Variants in FBXO3 observed in about 807,000 individuals in gnomAD.
The protein encoded by FBXO3 is F-box protein 3.
FBXO3 carries 17 observed loss-of-function variants against 64.8 expected under a neutral mutation model. The ratio of observed to expected loss-of-function variants is 0.26; its 90% CI spans 0.18 to 0.39. The LOEUF is 0.39. Among genes scored for constraint, FBXO3 ranks in the 10% least tolerant of loss-of-function variants. The pLI, the probability that FBXO3 is intolerant of heterozygous loss-of-function variation, is 1.00. For missense variants in FBXO3, 420 were observed against 589.9 expected (o/e 0.71, Z 2.98); for synonymous variants, 182 against 201.6 (o/e 0.90, Z 0.82).
chr11:33,744,458 CA>C (rs2133590738), intron 10 of FBXO3: 1 of 152,178 alleles, frequency 6.6e-6, no homozygotes, highest in African/African-American at 2.4e-5. Flanking sequence ...ATGCATATCC[CA>C]AGAGGCATTC....
Position 33,774,452 on chromosome 11 carries a change from G to A in FBXO3, c.46C>T (p.Leu16=), listed in dbSNP as rs1855590432. 6.2e-7 allele frequency: 1 copy of A among 1,601,140 alleles called. No individual in the cohort carries two copies. Among genetic ancestry groups the A allele is most frequent in the South Asian group, 1.1e-5 (1 of 89,960 alleles). The change falls in exon 1 of 11, where the codon CTG becomes TTG. Residue 16 remains leucine (L), a synonymous_variant. Transcript: ENST00000265651. ...TETAPLTLES[L]PTDPLLLILS... is the part of the protein sequence containing the mutation. ...ATGAGGAGCAGGGGATCGGTGGGCAGCGACTCTAGGGTCAGCGGCGCCGTC... is the reference window on the plus strand; with the variant it reads ...ATGAGGAGCAGGGGATCGGTGGGCAACGACTCTAGGGTCAGCGGCGCCGTC...
intron 3 of FBXO3, among the ~76,000 whole-genome samples, chr11:33,765,948 A>G (rs1225005663): frequency 6.6e-6 from 1 of 152,172 alleles, no homozygotes; most frequent in African/African-American, 2.4e-5. Flanking sequence ...TCGTGAACCA[A>G]TTAAACCTCT....
intron 2 of FBXO3, among the ~76,000 whole-genome samples, chr11:33,769,425 T>G (rs912709183): frequency 2.4e-4 from 36 of 152,200 alleles, no homozygotes; most frequent in African/African-American, 7.7e-4. Context: ...ACTGAATTAG[T>G]TGAGAATCAT....
chr11:33,744,041 T>C (rs1170976686), intron 10 of FBXO3: 1 of 152,156 alleles, frequency 6.6e-6, no homozygotes, highest in Non-Finnish European at 1.5e-5. Flanking sequence ...GGATTTATTA[T>C]AACACTAACA....
intron 6 of FBXO3, among the ~76,000 whole-genome samples, chr11:33,752,591 A>G (rs538525032): frequency 3.9e-5 from 6 of 152,340 alleles, no homozygotes; most frequent in Admixed American, 3.3e-4. Flanking sequence ...AACTGAGAGA[A>G]GGCAAACTAT....
rs370729049 is a variant in FBXO3, at chr11:33,770,731, G to C, written c.194+10C>G. 2 of 1,603,656 alleles carry C rather than the reference G, an allele frequency of 1.2e-6. No individual in the cohort carries two copies. Among genetic ancestry groups the C allele is most frequent in the South Asian group, 2.2e-5 (2 of 90,110 alleles). The stretch of plus-strand genomic sequence containing the variant: ...CAGTTTTCAGAAGTACATATTCCTC[G>C]AATACTCACTCAGATATCAGCCAGT... On this transcript the variant is annotated intron_variant, in intron 2 of 10. Transcript: ENST00000265651.
chr11:33,770,745 A>G lies in FBXO3; in HGVS notation c.190T>C (p.Ser64Pro), dbSNP rs1855492377. ...ACATATTCCTCGAATACTCACTCAGATATCAGCCAGTATTTTTTGCAATGT... is the reference window on the plus strand; with the variant it reads ...ACATATTCCTCGAATACTCACTCAGGTATCAGCCAGTATTTTTTGCAATGT... ...RRHCKKYWLI[S>P]EEEKTQKNQC... The change falls in exon 2 of 11, where the codon TCT becomes CCT. Residue 64 changes from serine (S) to proline (P), a missense_variant. Transcript: ENST00000265651. 2.5e-6 allele frequency: 4 copies of G among 1,610,294 alleles called. No homozygotes were observed. Among genetic ancestry groups the G allele is most frequent in the Middle Eastern group, 1.7e-4 (1 of 6,050 alleles).
At chr11:33,774,039 T>G in intron 1 of FBXO3, 1 of 278,604 alleles carries the variant, frequency 3.6e-6, no homozygotes, top group South Asian at 3.1e-5. Context: ...CAGCAGGGAC[T>G]GACCCCAACC....
intron 6 of FBXO3, chr11:33,753,678 G>C (rs1014159447): frequency 6.6e-6 from 1 of 152,238 alleles, no homozygotes; most frequent in African/African-American, 2.4e-5. Flanking sequence ...ATGTGCCATA[G>C]TATGGAACAA....
At chr11:33,754,926 C>G (rs1389829656) in intron 5 of FBXO3, among the ~76,000 whole-genome samples, 1 of 149,242 alleles carries the variant, frequency 6.7e-6, no homozygotes, top group Non-Finnish European at 1.5e-5. Context: ...AGTGCAGTGG[C>G]TCGATCTCAG....
intron 3 of FBXO3, among the ~76,000 whole-genome samples, chr11:33,764,888 C>T (rs1359661132): frequency 6.6e-6 from 1 of 152,186 alleles, no homozygotes. Flanking sequence ...GCAGGAGAAT[C>T]GCTTGAACCT....
chr11:33,747,573 G>A (rs565172702), intron 9 of FBXO3, among the ~76,000 whole-genome samples: 13 of 150,686 alleles, frequency 8.6e-5, no homozygotes, highest in Middle Eastern at 3.4e-3. Flanking sequence ...GTGCAGTGGC[G>A]TGATCTCAGC....
intron 3 of FBXO3, among the ~76,000 whole-genome samples, chr11:33,764,059 G>T (rs1202320004): frequency 6.6e-6 from 1 of 152,106 alleles, no homozygotes; most frequent in Non-Finnish European, 1.5e-5. Context: ...TACTCATAGA[G>T]ACATCAACAA....
At chr11:33,759,939 T>C (rs894681139) in intron 3 of FBXO3, among the ~76,000 whole-genome samples, 2 of 152,120 alleles carry the variant, frequency 1.3e-5, no homozygotes, top group African/African-American at 2.4e-5. Context: ...CAGCAAATCA[T>C]AGTTTTAAAG....
In FBXO3 at chr11:33,751,418, G is replaced by A. The variant is rs1854953571; in HGVS notation, c.809+105C>T. 9.7e-6 allele frequency: 7 copies of A among 722,468 alleles called. No individual in the cohort carries two copies. In the East Asian group the frequency reaches 1.9e-4, roughly 20 times the overall value. The allele number at this position is 722,468 out of a possible 1,614,324, so 44.8% of individuals were successfully genotyped here. A position where few individuals can be genotyped will look rare whatever the true frequency, so the allele number is the denominator to read the frequency against. On this transcript the variant is annotated intron_variant, in intron 7 of 10. Coordinates refer to ENST00000265651, the MANE Select transcript of FBXO3 (RefSeq NM_012175.4). ...TTCTATTATCAACCTCAATAGAGAGGTTCTATTATCAACCTTCTTGGGAAA... is the reference window on the plus strand; with the variant it reads ...TTCTATTATCAACCTCAATAGAGAGATTCTATTATCAACCTTCTTGGGAAA...
intron 6 of FBXO3, chr11:33,753,554 AG>A (rs2133602145): frequency 6.6e-6 from 1 of 152,366 alleles, no homozygotes; most frequent in African/African-American, 2.4e-5. Flanking sequence ...CTTAGAAACC[AG>A]AGACCACATG....
At chr11:33,758,914 C>G (rs1855174469) in intron 3 of FBXO3, among the ~76,000 whole-genome samples, 1 of 140,150 alleles carries the variant, frequency 7.1e-6, no homozygotes, top group Non-Finnish European at 1.6e-5. Flanking sequence ...ATTCATACTG[C>G]TTTATTTAAA....
intron 3 of FBXO3, among the ~76,000 whole-genome samples, chr11:33,760,051 G>A (rs1005911807): frequency 1.7e-4 from 26 of 152,168 alleles, no homozygotes; most frequent in Admixed American, 1.7e-3. Flanking sequence ...TGGCAGAAAG[G>A]TCTATGATAC....
intron 3 of FBXO3, 77 bp from the exon 4 acceptor site, chr11:33,758,678 T>A (rs554672048): frequency 1.5e-4 from 143 of 953,394 alleles, no homozygotes; most frequent in Non-Finnish European, 1.3e-4. Context: ...ATCTGCTAAC[T>A]AATGAAACAA....
Sources: allele counts gnomAD v4.1 joint callset (sites outside exome capture counted in the v4.1 genomes callset), GRCh38; gene constraint gnomAD v4.1.1; transcripts MANE v1.5; gene names NCBI Gene and HGNC (gene_info 2026-07-23, HGNC 2026-07-21).